ZNF462: variants seen among roughly 807,000 people sequenced by gnomAD.
The protein encoded by ZNF462 is zinc finger PBX1-interacting protein.
A neutral mutation model predicts 201.9 loss-of-function variants in ZNF462; 10 were observed. The observed-to-expected ratio is 0.05, with a 90% CI of 0.03 to 0.08. ZNF462 has a LOEUF of 0.08. Ranked by LOEUF, ZNF462 falls within the 10% of genes least tolerant of loss-of-function variation. ZNF462 has a pLI of 1.00. For missense variants in ZNF462, 2,523 were observed against 3,168.3 expected, an observed-to-expected ratio of 0.80 and a Z score of 4.89; for synonymous variants, 1,227 against 1,193.3, an observed-to-expected ratio of 1.03 and a Z score of -0.58.
intron 10 of ZNF462, among the ~76,000 whole-genome samples, chr9:106,998,164 T>A (rs964518274): frequency 1.3e-5 from 2 of 152,168 alleles, no homozygotes; most frequent in Non-Finnish European, 2.9e-5. Context: ...AATATGAGCA[T>A]CCTGGTTGGG....
At position 106,984,117 on chromosome 9, in the gene ZNF462, T is replaced by G; in HGVS notation, c.6833-69T>G. On this transcript the variant is annotated intron_variant, in intron 9 of 12. Coordinates refer to ENST00000277225, the MANE Select transcript of ZNF462 (RefSeq NM_021224.6). This position sits in a 1 kb window ranked among gnomAD's most constrained non-coding sequence, Gnocchi z 6.4. ...AGATTGGGTGAGTTTCTTCTTGTAT[T>G]CCAAAGAAAGAACTTCTGTTTTGCC... The G allele has an allele frequency of 6.9e-7, 1 of 1,449,222 alleles. No homozygotes were observed. Among genetic ancestry groups the G allele is most frequent in the South Asian group, 1.3e-5 (1 of 77,616 alleles). The allele number at this position is 1,449,222 out of a possible 1,614,324, so 89.8% of individuals were successfully genotyped here. A position where few individuals can be genotyped will look rare whatever the true frequency, so the allele number is the denominator to read the frequency against.
chr9:106,979,938 C>T (rs74903402), intron 9 of ZNF462, among the ~76,000 whole-genome samples: 3,365 of 152,242 alleles, frequency 0.022, 138 homozygotes, highest in African/African-American at 0.076. Flanking sequence ...AGACAAATGC[C>T]GCATTTAACT....
chr9:106,996,788 G>C (rs2132518873), intron 10 of ZNF462, among the ~76,000 whole-genome samples: 1 of 152,164 alleles, frequency 6.6e-6, no homozygotes, highest in African/African-American at 2.4e-5. Context: ...ATATTATGAA[G>C]TCTTTATACC....
intron 1 of ZNF462, among the ~76,000 whole-genome samples, chr9:106,904,556 G>C (rs982074162): frequency 2.0e-5 from 3 of 152,058 alleles, no homozygotes; most frequent in African/African-American, 7.2e-5. Context: ...TTCTTCCTCA[G>C]GTACACTGAT....
At position 107,011,401 on chromosome 9, in the gene ZNF462, C is replaced by T. The variant is rs890140031; in HGVS notation, c.*371C>T. Reference sequence around the variant, plus strand: ...TAGAAGACTTCTCATTGGGGAGCAACTTTTTGACGCACAACTTTTGGTGCG... The same window carrying T: ...TAGAAGACTTCTCATTGGGGAGCAATTTTTTGACGCACAACTTTTGGTGCG... On this transcript the variant is annotated 3_prime_UTR_variant, in exon 13 of 13. Transcript: ENST00000277225. The surrounding 1 kb of genome is among the most constrained non-coding windows in gnomAD (Gnocchi z 5.6). 6.2e-6 allele frequency: 1 copy of T among 160,102 alleles called. No homozygotes were observed. The highest frequency in any genetic ancestry group is 1.4e-5 in the Non-Finnish European group (1 of 73,876). 9.9% of individuals were successfully genotyped at this position (160,102 alleles called of 1,614,324 possible). A position where few individuals can be genotyped will look rare whatever the true frequency, so the allele number is the denominator to read the frequency against.
At chr9:106,999,528 C>A (rs539909238) in intron 10 of ZNF462, among the ~76,000 whole-genome samples, 2 of 152,266 alleles carry the variant, frequency 1.3e-5, no homozygotes, top group African/African-American at 4.8e-5. Flanking sequence ...AGTAAACTAT[C>A]ATATGCCTAC....
At chr9:106,914,053 TTTGGTAACATACCCAAA>T (rs1160550626) in intron 1 of ZNF462, among the ~76,000 whole-genome samples, 1 of 150,036 alleles carries the variant, frequency 6.7e-6, no homozygotes, top group Non-Finnish European at 1.5e-5. Flanking sequence ...TGAAGAGATT[TTTGGTAACATACCCAAA>T]TTAGAAAAAT....
intron 10 of ZNF462, among the ~76,000 whole-genome samples, chr9:106,986,958 G>A (rs1827877908): frequency 6.6e-6 from 1 of 151,130 alleles, no homozygotes; most frequent in South Asian, 2.1e-4. Flanking sequence ...TCCTTTTTAT[G>A]GCTGAGTAGT....
At chr9:106,999,358 C>G (rs946957761) in intron 10 of ZNF462, among the ~76,000 whole-genome samples, 6 of 152,188 alleles carry the variant, frequency 3.9e-5, no homozygotes, top group Middle Eastern at 6.8e-3. Context: ...TTGACTTTGA[C>G]CCTGTAATTT....
chr9:106,908,941 ATTTTTTTTTTTTTTTTTTTTTT>A (rs1163695505), intron 1 of ZNF462, among the ~76,000 whole-genome samples: 3 of 25,348 alleles, frequency 1.2e-4, no homozygotes, highest in South Asian at 2.0e-3. Flanking sequence ...ATATATATAT[ATTTTTTTTTTTTTTTTTTTTTT>A]TTTTTTTTTT....
intron 1 of ZNF462, among the ~76,000 whole-genome samples, chr9:106,912,291 C>T (rs2131314773): frequency 6.6e-6 from 1 of 152,318 alleles, no homozygotes; most frequent in Admixed American, 6.5e-5. Context: ...TGTTATAGCT[C>T]TTGTTCTTCT....
At chr9:106,934,147 A>G (rs528514784) in intron 5 of ZNF462, among the ~76,000 whole-genome samples, 202 of 152,276 alleles carry the variant, frequency 1.3e-3, no homozygotes, top group Non-Finnish European at 2.5e-3. Context: ...AAACTCTCCT[A>G]TAAGGTATGG....
chr9:106,949,974 A>G (rs888878270), intron 7 of ZNF462, among the ~76,000 whole-genome samples: 5 of 152,036 alleles, frequency 3.3e-5, no homozygotes, highest in Non-Finnish European at 7.4e-5. Flanking sequence ...CTGTGGGTGG[A>G]TCTCCTTCCC....
At chr9:106,864,208 CG>C (rs1827223563) in intron 1 of ZNF462, among the ~76,000 whole-genome samples, 3 of 148,900 alleles carry the variant, frequency 2.0e-5, no homozygotes, top group Admixed American at 6.7e-5. Context: ...AGGCGAGGAG[CG>C]GGGGGCACCG....
chr9:106,953,508 C>A (rs1007972762), intron 7 of ZNF462, among the ~76,000 whole-genome samples: 2 of 152,154 alleles, frequency 1.3e-5, no homozygotes, highest in African/African-American at 4.8e-5. Flanking sequence ...AAATTCTCTT[C>A]CCTTGGTTTT....
At chr9:106,922,530 C>T (rs1214237111) in intron 1 of ZNF462, among the ~76,000 whole-genome samples, 2 of 152,162 alleles carry the variant, frequency 1.3e-5, no homozygotes, top group African/African-American at 2.4e-5. Flanking sequence ...CTTAGAAGCC[C>T]TTCTTCAAAA....
At chr9:106,964,567 G>A (rs1190640889) in intron 7 of ZNF462, among the ~76,000 whole-genome samples, 1 of 151,986 alleles carries the variant, frequency 6.6e-6, no homozygotes, top group Admixed American at 6.6e-5. Flanking sequence ...CTTTGAAGTG[G>A]AATGAGAACT....
intron 10 of ZNF462, among the ~76,000 whole-genome samples, chr9:106,997,570 G>T (rs996157002): frequency 6.6e-5 from 10 of 152,162 alleles, no homozygotes; most frequent in African/African-American, 2.4e-4. Context: ...GCTTTTACAA[G>T]AACTCTAATT....
chr9:106,877,173 T>TTGG (rs756089864), intron 1 of ZNF462, among the ~76,000 whole-genome samples: 7 of 152,010 alleles, frequency 4.6e-5, no homozygotes, highest in South Asian at 2.1e-4. Flanking sequence ...GGTAGCTTTA[T>TTGG]TGGTGGTGGT....
Sources: allele counts gnomAD v4.1 joint callset (sites outside exome capture counted in the v4.1 genomes callset), GRCh38; gene constraint gnomAD v4.1.1; non-coding constraint Gnocchi (gnomAD v3.1); transcripts MANE v1.5; gene names NCBI Gene and HGNC (gene_info 2026-07-23, HGNC 2026-07-21).